LYST: variants seen among roughly 807,000 people sequenced by gnomAD.
LYST encodes the protein lysosomal-trafficking regulator.
A neutral mutation model predicts 413.6 loss-of-function variants in LYST; 192 were observed. That is an observed-to-expected ratio of 0.46 (90% CI 0.41 to 0.52). LYST has a LOEUF of 0.52. Among genes scored for constraint, LYST ranks in the 20% least tolerant of loss-of-function variants. The pLI is 0.00. For missense variants in LYST, 3,815 were observed against 4,499.9 expected (o/e 0.85, Z 4.35); for synonymous variants, 1,525 against 1,567.3 (o/e 0.97, Z 0.64).
At chr1:235,688,685 C>G (rs1660395129) in intron 47 of LYST, among the ~76,000 whole-genome samples, 1 of 152,058 alleles carries the variant, frequency 6.6e-6, no homozygotes, top group African/African-American at 2.4e-5. Flanking sequence ...GAGCGTGAGT[C>G]TTTATATAAC....
chr1:235,720,458 C>T (rs1398640248), intron 40 of LYST, among the ~76,000 whole-genome samples: 1 of 152,028 alleles, frequency 6.6e-6, no homozygotes. Flanking sequence ...CTGCAATTTG[C>T]CTTAAATAAG....
In LYST at chr1:235,759,288, C is replaced by T. The variant is rs1667345929; in HGVS notation, c.6565G>A (p.Asp2189Asn). ...AATCCCAGCACTCCCTTTGGGACATCACTGACAGAGACCTGGGCTGAGAGG... is the reference window on the plus strand; with the variant it reads ...AATCCCAGCACTCCCTTTGGGACATTACTGACAGAGACCTGGGCTGAGAGG... ...AVLSAQVSVS[D>N]VPKGVLGFPV... The change falls in exon 23 of 53, where the codon GAT becomes AAT. Residue 2189 changes from aspartate to asparagine, a missense_variant. Physicochemically the swap from Asp to Asn is conservative, Grantham distance 23 (BLOSUM62 1). Coordinates refer to ENST00000389793, the MANE Select transcript of LYST (RefSeq NM_000081.4). 6.2e-7 allele frequency: 1 copy of T among 1,614,168 alleles called. No individual in the cohort carries two copies. Among genetic ancestry groups the T allele is most frequent in the Middle Eastern group, 1.7e-4 (1 of 6,060 alleles).
At chr1:235,830,820 C>G (rs1005349410) in intron 2 of LYST, among the ~76,000 whole-genome samples, 1 of 152,090 alleles carries the variant, frequency 6.6e-6, no homozygotes, top group Non-Finnish European at 1.5e-5. Flanking sequence ...CCATTTTTCA[C>G]TTGATAGAGC....
At chr1:235,828,409 G>A (rs1160952306) in intron 3 of LYST, among the ~76,000 whole-genome samples, 1 of 151,954 alleles carries the variant, frequency 6.6e-6, no homozygotes, top group Non-Finnish European at 1.5e-5. Context: ...ACATAAAATG[G>A]GTGAATTTTA....
intron 32 of LYST, among the ~76,000 whole-genome samples, 193 bp downstream of exon 32, chr1:235,734,290 G>C (rs1321046621): frequency 6.6e-6 from 1 of 151,804 alleles, no homozygotes. Context: ...TGACCACAGA[G>C]AACAAAATGC....
At chr1:235,833,520 T>C (rs1219797424) in intron 2 of LYST, 58 bp downstream of exon 2, 1 of 292,586 alleles carries the variant, frequency 3.4e-6, no homozygotes. Context: ...GATAATTATG[T>C]AGTTTCAAGC....
intron 45 of LYST, among the ~76,000 whole-genome samples, chr1:235,697,917 G>C (rs1345703440): frequency 2.0e-5 from 3 of 152,188 alleles, no homozygotes; most frequent in Non-Finnish European, 4.4e-5. Context: ...AATAGGATTT[G>C]GGGGAAGAAA....
At chr1:235,773,369 C>G (rs1355915109) in intron 19 of LYST, among the ~76,000 whole-genome samples, 1 of 151,902 alleles carries the variant, frequency 6.6e-6, no homozygotes, top group Admixed American at 6.6e-5. Context: ...GTATATGCTT[C>G]TATTCACGGT....
rs1462940580 is a variant in LYST, at chr1:235,839,246, TGC to T, written c.-97-5581_-97-5580del. On this transcript the variant is annotated intron_variant, in intron 1 of 52. Coordinates refer to ENST00000389793, the MANE Select transcript of LYST (RefSeq NM_000081.4). ...GGTTTTATATGTGTGGGTGTATGTG[TGC>T]ATATATATATATACAGTTTTTTTTT... is the stretch of plus-strand genomic sequence containing the variant. 2.0e-5 allele frequency among the ~76,000 whole-genome samples: 3 copies of T among 147,380 alleles called. No individual in the cohort carries two copies. The South Asian group carries it at 6.3e-4, about 31-fold the overall frequency.
intron 20 of LYST, 47 bp from the exon 21 acceptor site, chr1:235,766,324 TTAAC>T (rs754256855): frequency 2.0e-5 from 28 of 1,426,438 alleles, no homozygotes; most frequent in Non-Finnish European, 2.6e-5. Flanking sequence ...AATTGTCAAC[TTAAC>T]TAAGATTTTT....
intron 48 of LYST, among the ~76,000 whole-genome samples, chr1:235,680,135 A>G (rs946355544): frequency 1.3e-5 from 2 of 151,930 alleles, no homozygotes; most frequent in African/African-American, 4.8e-5. Context: ...TTTTATAAAG[A>G]TATATTTTTG....
Position 235,731,110 on chromosome 1 carries a change from G to A in LYST, c.8869C>T (p.Arg2957Ter). 1.2e-6 allele frequency: 2 copies of A among 1,613,542 alleles called. No homozygotes were observed. The highest frequency in any genetic ancestry group is 1.7e-6 in the Non-Finnish European group (2 of 1,179,550). ...CATCTCTGTAAACGTCTCCTCTCTCGATTTGGCCCTTCTGTTGGATCCAAC... is the reference window on the plus strand; with the variant it reads ...CATCTCTGTAAACGTCTCCTCTCTCAATTTGGCCCTTCTGTTGGATCCAAC... ...WQLDPTEGPN[R>*]ERRRLQRCYL... The change falls in exon 35 of 53, where the codon CGA becomes TGA. Residue 2957 changes from arginine to a stop codon, truncating the protein, a stop_gained. Coordinates refer to ENST00000389793, the MANE Select transcript of LYST (RefSeq NM_000081.4). LOFTEE classifies it high-confidence loss of function.
At chr1:235,667,199 TAC>T (rs1658565772) in intron 50 of LYST, among the ~76,000 whole-genome samples, 1 of 152,220 alleles carries the variant, frequency 6.6e-6, no homozygotes, top group East Asian at 1.9e-4. Context: ...ATCCTTCGTA[TAC>T]ACAGTCATGA....
chr1:235,787,022 A>C, intron 14 of LYST, 178 bp downstream of exon 14: 1 of 515,758 alleles, frequency 1.9e-6, no homozygotes, highest in Non-Finnish European at 3.4e-6. Context: ...CATTGTGCAC[A>C]TGTACCCTAG....
At chr1:235,812,682 T>C (rs974422107) in intron 4 of LYST, among the ~76,000 whole-genome samples, 3 of 152,186 alleles carry the variant, frequency 2.0e-5, no homozygotes, top group Non-Finnish European at 4.4e-5. Flanking sequence ...TATCCATTTT[T>C]CTGATGTTAT....
intron 47 of LYST, among the ~76,000 whole-genome samples, chr1:235,691,346 C>T (rs1301919575): frequency 6.6e-6 from 1 of 152,218 alleles, no homozygotes; most frequent in Non-Finnish European, 1.5e-5. Context: ...GATTAAGTTA[C>T]TAGTCAAAGG....
Position 235,854,383 on chromosome 1 carries a change from C to G in LYST, c.-98+12460G>C, listed in dbSNP as rs371332456. Among the ~76,000 whole-genome samples, 54 of 152,328 alleles carry G rather than the reference C, an allele frequency of 3.5e-4. No individual in the cohort carries two copies. The highest frequency in any genetic ancestry group is 1.2e-3 in the African/African-American group (51 of 41,570). The stretch of plus-strand genomic sequence containing the variant: ...TGTATTCTATATACAAATTTCTATT[C>G]TCCAAAGCAGACATTGACTTCTCTC... On this transcript the variant is annotated intron_variant, in intron 1 of 52. Transcript: ENST00000389793. The surrounding 1 kb of genome is among the most constrained non-coding windows in gnomAD (Gnocchi z 4.1).
intron 14 of LYST, among the ~76,000 whole-genome samples, chr1:235,784,513 G>A (rs1328445821): frequency 1.3e-5 from 2 of 152,190 alleles, no homozygotes; most frequent in Non-Finnish European, 2.9e-5. Flanking sequence ...AAAGCATAGG[G>A]TTTTAAAGCA....
intron 23 of LYST, among the ~76,000 whole-genome samples, chr1:235,758,437 G>C (rs923952614): frequency 3.3e-5 from 5 of 152,196 alleles, no homozygotes; most frequent in African/African-American, 4.8e-5. Context: ...GCTTTCTTCT[G>C]ACTTCATCCA....
Sources: gnomAD v4.1 joint callset for allele counts (sites outside exome capture counted in the v4.1 genomes callset) on GRCh38, gnomAD v4.1.1 for gene constraint, Gnocchi (gnomAD v3.1) non-coding constraint, MANE v1.5 for transcripts, NCBI Gene and HGNC (gene_info 2026-07-23, HGNC 2026-07-21) for gene names.